The following PDE6B variants were observed in gnomAD, a reference collection of about 807,000 sequenced individuals.
PDE6B encodes rod cGMP-specific 3',5'-cyclic phosphodiesterase subunit beta.
In PDE6B, 106 loss-of-function variants were observed where a neutral mutation model predicts 109.0. The ratio of observed to expected loss-of-function variants is 0.97; its 90% CI spans 0.83 to 1.14. The LOEUF (loss-of-function observed/expected upper bound fraction) is 1.14, where lower values mean the gene tolerates loss of function less well. Among genes scored for constraint, PDE6B ranks in the 50% most tolerant of loss-of-function variants. The pLI, the probability that PDE6B is intolerant of heterozygous loss-of-function variation, is 0.00. For missense variants in PDE6B, 1,193 were observed against 1,155.6 expected (o/e 1.03, Z -0.47); for synonymous variants, 490 against 471.3 (o/e 1.04, Z -0.51).
intron 3 of PDE6B, among the ~76,000 whole-genome samples, chr4:646,720 G>A (rs1299247141): frequency 6.6e-6 from 1 of 152,026 alleles, no homozygotes; most frequent in South Asian, 2.1e-4. Flanking sequence ...GCGGCGCACT[G>A]CGTTTCCACC....
intron 5 of PDE6B, chr4:654,502 G>C (rs941585716): frequency 1.5e-5 from 9 of 588,190 alleles, no homozygotes; most frequent in Non-Finnish European, 2.5e-5. Flanking sequence ...CCCAGCTTGT[G>C]TGTGGGATTG....
chr4:653,389 G>A (rs1417291042), intron 3 of PDE6B: 1 of 1,050,618 alleles, frequency 9.5e-7, no homozygotes, highest in African/African-American at 1.7e-5. Flanking sequence ...TCCTGAGTGG[G>A]GTCTGGCCAG....
rs1737293757 is a variant in PDE6B at position 663,011 on chromosome 4, G to A, written c.1833-89G>A. 2.5e-6 allele frequency: 2 copies of A among 803,658 alleles called. No homozygotes were observed. The highest frequency in any genetic ancestry group is 3.4e-5 in the African/African-American group (2 of 59,242). The allele number at this position is 803,658 out of a possible 1,614,324, so 49.8% of individuals were successfully genotyped here. A position where few individuals can be genotyped will look rare whatever the true frequency, so the allele number is the denominator to read the frequency against. On this transcript the variant is annotated intron_variant, in intron 14 of 21. Transcript: ENST00000496514. This position sits in a 1 kb window ranked among gnomAD's most constrained non-coding sequence, Gnocchi z 4.0. ...GAGGCAGACCCTGTCTCAAAAAAAA[G>A]AAAGTGGGGCCCATCTGGGGGGGCT...
chr4:659,827 G>A (rs772510572), intron 11 of PDE6B, among the ~76,000 whole-genome samples: 3 of 152,162 alleles, frequency 2.0e-5, no homozygotes, highest in African/African-American at 7.2e-5. Flanking sequence ...TCCTAGAGAC[G>A]ATTGCTGGAT....
rs1734133565 is a variant in PDE6B, at chr4:626,868, G to A, written c.468+774G>A. Among the ~76,000 whole-genome samples, 1 of 152,196 alleles carries A rather than the reference G, an allele frequency of 6.6e-6. No individual in the cohort carries two copies. Among genetic ancestry groups the A allele is most frequent in the African/African-American group, 2.4e-5 (1 of 41,436 alleles). Reference sequence around the variant, plus strand: ...GCCTGCCAGACTGGGTGAGGGCAGCGGCCAGCAGAGACCTGGAAAGGCCCT... The same window carrying A: ...GCCTGCCAGACTGGGTGAGGGCAGCAGCCAGCAGAGACCTGGAAAGGCCCT... On this transcript the variant is annotated intron_variant, in intron 1 of 21. Coordinates refer to ENST00000496514, the MANE Select transcript of PDE6B (RefSeq NM_000283.4). This position sits in a 1 kb window ranked among gnomAD's most constrained non-coding sequence, Gnocchi z 4.6.
chr4:629,011 C>T (rs1402057481), intron 1 of PDE6B, among the ~76,000 whole-genome samples: 2 of 152,236 alleles, frequency 1.3e-5, no homozygotes, highest in Admixed American at 6.5e-5. Flanking sequence ...AACCCTAAAA[C>T]CTTGGGCTCA....
rs566973971 is a variant in PDE6B, at chr4:653,566, A to G, written c.712-286A>G. On this transcript the variant is annotated intron_variant, in intron 3 of 21. Transcript: ENST00000496514. ...GGGCTGGTCGGATGTTTGCCTGTCA[A>G]GCTCAAAGCGACAGATTCCACTTTC... 283 of 545,688 alleles carry G rather than the reference A, an allele frequency of 5.2e-4. 1 individual carries two copies. The highest frequency in any genetic ancestry group is 5.1e-3 in the African/African-American group (268 of 52,874). 33.8% of individuals were successfully genotyped at this position (545,688 alleles called of 1,614,324 possible).
At chr4:657,147 A>G in intron 9 of PDE6B, 124 bp downstream of exon 9, 4 of 1,216,292 alleles carry the variant, frequency 3.3e-6, no homozygotes, top group South Asian at 2.5e-5. Flanking sequence ...TGCGGTATGC[A>G]TGCGGCCAGG....
chr4:657,378 G>A lies in PDE6B; in HGVS notation c.1285G>A (p.Val429Met). Reference sequence around the variant, plus strand: ...CCTGACACAGTTCCTGGGCTGGTCAGTGATGAACACCGACACCTACGACAA... The same window carrying A: ...CCTGACACAGTTCCTGGGCTGGTCAATGATGAACACCGACACCTACGACAA... ...ESLTQFLGWSVMNTDTYDKMN... is the reference protein window; with the variant it reads ...ESLTQFLGWSMMNTDTYDKMN... Residue 429 changes from valine (V) to methionine (M), a missense_variant, in exon 10 of 22, where the codon GTG becomes ATG. Transcript: ENST00000496514. 1.9e-6 allele frequency: 3 copies of A among 1,613,204 alleles called. No individual in the cohort carries two copies. The highest frequency in any genetic ancestry group is 2.2e-5 in the East Asian group (1 of 44,882).
At chr4:631,249 G>A (rs1486096031) in intron 1 of PDE6B, among the ~76,000 whole-genome samples, 1 of 152,234 alleles carries the variant, frequency 6.6e-6, no homozygotes, top group Non-Finnish European at 1.5e-5. Context: ...AACAAGAGCT[G>A]TGAAAACGTG....
intron 8 of PDE6B, 62 bp downstream of exon 8, chr4:656,354 CGAT>C (rs1030914685): frequency 9.0e-6 from 10 of 1,112,446 alleles, no homozygotes; most frequent in African/African-American, 4.6e-5. Flanking sequence ...TTTGATTCAG[CGAT>C]GATGAAGTGA....
chr4:659,139 C>T (rs1736723786), intron 11 of PDE6B, 122 bp downstream of exon 11: 2 of 756,444 alleles, frequency 2.6e-6, no homozygotes, highest in East Asian at 5.3e-5. Flanking sequence ...GATGTTGGTG[C>T]TGTGTGTGTA....
chr4:626,098 G>A lies in PDE6B; in HGVS notation c.468+4G>A. 6.5e-7 allele frequency: 1 copy of A among 1,543,892 alleles called. No homozygotes were observed. On this transcript the variant is annotated splice_donor_region_variant and intron_variant, in intron 1 of 21. Coordinates refer to ENST00000496514, the MANE Select transcript of PDE6B (RefSeq NM_000283.4). The surrounding 1 kb of genome is among the most constrained non-coding windows in gnomAD (Gnocchi z 4.6). Reference sequence around the variant, plus strand: ...GAACGTCGAGGACGTGGCCGAGGTGGGTCTGTGCGGAGCCTCAGGGAGGCG... The same window carrying A: ...GAACGTCGAGGACGTGGCCGAGGTGAGTCTGTGCGGAGCCTCAGGGAGGCG...
chr4:640,007 A>T (rs964347984), intron 3 of PDE6B, among the ~76,000 whole-genome samples: 7 of 151,856 alleles, frequency 4.6e-5, no homozygotes, highest in East Asian at 1.9e-4. Flanking sequence ...CCAAAAAAAT[A>T]AAAAAAGTGA....
chr4:666,173 T>A lies in PDE6B; in HGVS notation c.2269-358T>A, dbSNP rs1397281436. On this transcript the variant is annotated intron_variant, in intron 19 of 21. Coordinates refer to ENST00000496514, the MANE Select transcript of PDE6B (RefSeq NM_000283.4). The surrounding 1 kb of genome is among the most constrained non-coding windows in gnomAD (Gnocchi z 5.6). ...CACAGCGAGGTCCTGGTCAGCCGAG[T>A]GTCTGGGCAGTGCAGCCCAGCCCGG... Among the ~76,000 whole-genome samples, 1 of 152,096 alleles carries A rather than the reference T, an allele frequency of 6.6e-6. No homozygotes were observed. The highest frequency in any genetic ancestry group is 2.1e-4 in the South Asian group (1 of 4,830).
rs1737391530 is a variant in PDE6B at position 663,584 on chromosome 4, C to T, written c.1921-186C>T. ...CTGCGTCCCAAGCCGACGATGGAGC[C>T]GCTGGTGGAGAGCTGGGCACCCTGA... On this transcript the variant is annotated intron_variant, in intron 15 of 21. Coordinates refer to ENST00000496514, the MANE Select transcript of PDE6B (RefSeq NM_000283.4). The surrounding 1 kb of genome is among the most constrained non-coding windows in gnomAD (Gnocchi z 4.0). 1.4e-5 allele frequency: 9 copies of T among 631,470 alleles called. No individual in the cohort carries two copies. The East Asian group carries it at 2.5e-4, about 17-fold the overall frequency. The allele number at this position is 631,470 out of a possible 1,614,324, so 39.1% of individuals were successfully genotyped here. A position where few individuals can be genotyped will look rare whatever the true frequency, so the allele number is the denominator to read the frequency against.
rs532689802 is a variant in PDE6B at position 665,123 on chromosome 4, C to T, written c.2194-132C>T. On this transcript the variant is annotated intron_variant, in intron 18 of 21. Coordinates refer to ENST00000496514, the MANE Select transcript of PDE6B (RefSeq NM_000283.4). This position sits in a 1 kb window ranked among gnomAD's most constrained non-coding sequence, Gnocchi z 4.0. Reference sequence around the variant, plus strand: ...CTGCAGTGTGTCTACATGGCTCAACCGGAGCCCTGTGTGGTGGGGACCCCG... The same window carrying T: ...CTGCAGTGTGTCTACATGGCTCAACTGGAGCCCTGTGTGGTGGGGACCCCG... The T allele has an allele frequency of 8.1e-5, 67 of 827,544 alleles. 2 individuals carry two copies. Among genetic ancestry groups the T allele is most frequent in the South Asian group, 8.0e-4 (57 of 71,364 alleles). 51.3% of individuals were successfully genotyped at this position (827,544 alleles called of 1,614,324 possible).
chr4:651,490 G>C (rs3934459), intron 3 of PDE6B: 31,971 of 152,640 alleles, frequency 0.21, 4,046 homozygotes, highest in African/African-American at 0.35. Flanking sequence ...ACTGAGTGTG[G>C]GAGGGACGCA....
chr4:643,994 C>T (rs1045169407), intron 3 of PDE6B, among the ~76,000 whole-genome samples: 1 of 145,752 alleles, frequency 6.9e-6, no homozygotes, highest in African/African-American at 2.6e-5. Flanking sequence ...TCTCGGCTCA[C>T]TGCAACCTCC....
Sources: gnomAD v4.1 joint callset for allele counts (sites outside exome capture counted in the v4.1 genomes callset) on GRCh38, gnomAD v4.1.1 for gene constraint, Gnocchi (gnomAD v3.1) non-coding constraint, MANE v1.5 for transcripts, NCBI Gene and HGNC (gene_info 2026-07-23, HGNC 2026-07-21) for gene names.